Variants in TOGARAM1 observed in about 807,000 individuals in gnomAD.
TOGARAM1 encodes TOG array regulator of axonemal microtubules protein 1.
In TOGARAM1, 100 loss-of-function variants were observed where a neutral mutation model predicts 166.6. The observed-to-expected ratio is 0.60, with a 90% CI of 0.51 to 0.71. The LOEUF (loss-of-function observed/expected upper bound fraction) is 0.71, where lower values mean the gene tolerates loss of function less well. TOGARAM1 is among the 30% of genes least tolerant of loss of function. The probability of loss-of-function intolerance (pLI) is 0.00; values close to 1 mark genes in which losing one functional copy is unlikely to be tolerated. For synonymous variants in TOGARAM1, 758 were observed against 763.8 expected (o/e 0.99, Z 0.13); for missense variants, 2,029 against 2,102.7 (o/e 0.96, Z 0.69).
chr14:45,054,131 A>G (rs548303815), intron 15 of TOGARAM1, among the ~76,000 whole-genome samples: 1 of 152,294 alleles, frequency 6.6e-6, no homozygotes, highest in East Asian at 1.9e-4. Context: ...TCAGCCTCCC[A>G]AAGTGCTGGG....
intron 1 of TOGARAM1, among the ~76,000 whole-genome samples, chr14:44,977,525 A>T (rs529979514): frequency 1.3e-5 from 2 of 151,482 alleles, no homozygotes; most frequent in South Asian, 2.1e-4. Flanking sequence ...CGTGAGCCAC[A>T]GCACCCGGCC....
At chr14:45,053,163 C>A (rs1375834059) in intron 15 of TOGARAM1, among the ~76,000 whole-genome samples, 1 of 151,440 alleles carries the variant, frequency 6.6e-6, no homozygotes, top group African/African-American at 2.4e-5. Flanking sequence ...CTCAGCCTCT[C>A]GAGTAGCTGG....
chr14:45,047,449 CA>C (rs1882128431), intron 14 of TOGARAM1, among the ~76,000 whole-genome samples: 1 of 150,750 alleles, frequency 6.6e-6, no homozygotes. Context: ...TATTATCCTA[CA>C]AAACATGAGA....
chr14:45,019,824 A>G (rs1334251233), intron 7 of TOGARAM1, among the ~76,000 whole-genome samples: 1 of 152,140 alleles, frequency 6.6e-6, no homozygotes, highest in Admixed American at 6.6e-5. Context: ...CCGCCCTCTC[A>G]ACAGGAAAAC....
chr14:45,052,371 T>TA, intron 14 of TOGARAM1, 65 bp from the exon 15 acceptor site: 1 of 1,428,776 alleles, frequency 7.0e-7, no homozygotes, highest in Non-Finnish European at 9.6e-7. Context: ...ACAATGCATC[T>TA]AAGGTCAGCA....
At chr14:45,049,640 A>G (rs1882260655) in intron 14 of TOGARAM1, among the ~76,000 whole-genome samples, 1 of 152,184 alleles carries the variant, frequency 6.6e-6, no homozygotes, top group Non-Finnish European at 1.5e-5. Flanking sequence ...TAACTGTACT[A>G]TATGATATAA....
intron 18 of TOGARAM1, among the ~76,000 whole-genome samples, chr14:45,068,994 T>A (rs1294003084): frequency 1.3e-5 from 2 of 151,980 alleles, no homozygotes; most frequent in Non-Finnish European, 2.9e-5. Context: ...TAACTCAAAA[T>A]GGATCGTAGA....
chr14:44,994,428 C>T (rs77918806), intron 1 of TOGARAM1, among the ~76,000 whole-genome samples: 3,338 of 151,548 alleles, frequency 0.022, 47 homozygotes, highest in Middle Eastern at 0.068. Context: ...TGAGGGCATT[C>T]TTTTTTTTGA....
intron 1 of TOGARAM1, among the ~76,000 whole-genome samples, chr14:44,992,615 T>C (rs1237864271): frequency 3.0e-5 from 4 of 133,488 alleles, no homozygotes; most frequent in East Asian, 4.3e-4. Context: ...TGTAATCTTT[T>C]TTTTTTTTTT....
At chr14:45,055,842 CTTTTTTT>C in intron 16 of TOGARAM1, among the ~76,000 whole-genome samples, 1 of 99,262 alleles carries the variant, frequency 1.0e-5, no homozygotes, top group Admixed American at 1.0e-4. Context: ...TACTTGGGCT[CTTTTTTT>C]TTTTTTTTTT....
At chr14:45,039,845 G>A (rs888362522) in intron 11 of TOGARAM1, among the ~76,000 whole-genome samples, 10 of 152,108 alleles carry the variant, frequency 6.6e-5, no homozygotes, top group Non-Finnish European at 1.5e-4. Flanking sequence ...TCAGACGGGG[G>A]CATGGCTCCC....
intron 13 of TOGARAM1, among the ~76,000 whole-genome samples, chr14:45,046,248 A>T (rs1435855124): frequency 6.6e-6 from 1 of 152,168 alleles, no homozygotes; most frequent in Non-Finnish European, 1.5e-5. Flanking sequence ...AGCCTGGGCA[A>T]CATAGTAAGA....
intron 1 of TOGARAM1, among the ~76,000 whole-genome samples, chr14:44,992,072 TAAAAAA>T (rs71108676): frequency 0.015 from 589 of 38,014 alleles, 6 homozygotes; most frequent in Middle Eastern, 0.056. Context: ...CCCTGTCTGT[TAAAAAA>T]AAAAAAAAAA....
At chr14:45,034,209 C>T (rs1881314631) in intron 11 of TOGARAM1, among the ~76,000 whole-genome samples, 4 of 152,082 alleles carry the variant, frequency 2.6e-5, no homozygotes, top group Non-Finnish European at 5.9e-5. Context: ...CACTGTTCAC[C>T]AGGCTATGGA....
chr14:45,062,346 G>C (rs914096553), intron 16 of TOGARAM1, among the ~76,000 whole-genome samples: 8 of 152,024 alleles, frequency 5.3e-5, no homozygotes, highest in African/African-American at 1.9e-4. Flanking sequence ...CTGATAAATT[G>C]GTCCTTTTGT....
chr14:45,064,080 C>T (rs888585598), intron 16 of TOGARAM1, among the ~76,000 whole-genome samples: 5 of 152,038 alleles, frequency 3.3e-5, no homozygotes, highest in Non-Finnish European at 7.4e-5. Context: ...TCCACTGACC[C>T]CCACCCCCCG....
intron 7 of TOGARAM1, among the ~76,000 whole-genome samples, chr14:45,018,578 A>G (rs1296306474): frequency 1.3e-5 from 2 of 152,184 alleles, no homozygotes; most frequent in Non-Finnish European, 2.9e-5. Context: ...ATGTATGAGC[A>G]CACAATCAGG....
intron 11 of TOGARAM1, among the ~76,000 whole-genome samples, chr14:45,038,978 G>A (rs1881580678): frequency 1.3e-5 from 2 of 151,934 alleles, no homozygotes; most frequent in African/African-American, 4.8e-5. Context: ...CTCAGTGGAG[G>A]GGAGACCCAG....
At chr14:44,983,013 A>T (rs1161227012) in intron 1 of TOGARAM1, among the ~76,000 whole-genome samples, 7 of 152,226 alleles carry the variant, frequency 4.6e-5, no homozygotes, top group Non-Finnish European at 1.0e-4. Flanking sequence ...GCACAGGGAT[A>T]TAACAGGATA....
Sources: allele counts gnomAD v4.1 joint callset (sites outside exome capture counted in the v4.1 genomes callset), GRCh38; gene constraint gnomAD v4.1.1; transcripts MANE v1.5; gene names NCBI Gene and HGNC (gene_info 2026-07-23, HGNC 2026-07-21).